FRMD6: variants seen among roughly 807,000 people sequenced by gnomAD.
FRMD6 encodes the protein FERM domain containing 6.
FRMD6 carries 37 observed loss-of-function variants against 73.2 expected under a neutral mutation model. The ratio of observed to expected loss-of-function variants is 0.51; its 90% CI spans 0.39 to 0.66. The LOEUF is 0.66. FRMD6 is among the 30% of genes least tolerant of loss of function. FRMD6 has a pLI of 0.00. For missense variants in FRMD6, 714 were observed against 780.5 expected, an observed-to-expected ratio of 0.91 and a Z score of 1.02; for synonymous variants, 273 against 282.2, an observed-to-expected ratio of 0.97 and a Z score of 0.33.
At chr14:51,710,881 AT>A (rs1896905718) in intron 7 of FRMD6, among the ~76,000 whole-genome samples, 1 of 151,926 alleles carries the variant, frequency 6.6e-6, no homozygotes, top group African/African-American at 2.4e-5. Flanking sequence ...ATTGTAGTTT[AT>A]TTTCTACAGT....
chr14:51,414,945 C>G, the FRMD6 span, among the ~76,000 whole-genome samples: 12 of 152,204 alleles, frequency 7.9e-5, no homozygotes, highest in Non-Finnish European at 1.0e-4. Flanking sequence ...TGATTTGGCT[C>G]TCTGTTTGTC....
intron 2 of FRMD6, among the ~76,000 whole-genome samples, chr14:51,632,296 G>A (rs1041300893): frequency 4.6e-5 from 7 of 152,144 alleles, no homozygotes; most frequent in African/African-American, 1.4e-4. Flanking sequence ...TTATAGCAGC[G>A]TGAGAATGAA....
At chr14:51,705,607 AAAG>A (rs1034332961) in intron 6 of FRMD6, among the ~76,000 whole-genome samples, 6 of 152,096 alleles carry the variant, frequency 3.9e-5, no homozygotes, top group African/African-American at 1.4e-4. Context: ...GTGGGGAGGG[AAAG>A]AAGAGCTACT....
At chr14:51,683,477 T>TG (rs1199273755) in intron 1 of FRMD6, among the ~76,000 whole-genome samples, 1 of 151,370 alleles carries the variant, frequency 6.6e-6, no homozygotes, top group African/African-American at 2.4e-5. Flanking sequence ...TTAGTAGAAA[T>TG]GGGGTCTCGC....
intron 2 of FRMD6, among the ~76,000 whole-genome samples, chr14:51,585,961 A>ATATATATATATATATATATATATATATAT (rs1555324347): frequency 3.6e-5 from 2 of 56,288 alleles, no homozygotes; most frequent in Non-Finnish European, 4.6e-5. Context: ...ATATATATAT[A>ATATATATATATATATATATATATATATAT]ACATTTTCTT....
intron 1 of FRMD6, among the ~76,000 whole-genome samples, chr14:51,687,180 C>A (rs1307836195): frequency 6.6e-6 from 1 of 152,100 alleles, no homozygotes; most frequent in Non-Finnish European, 1.5e-5. Context: ...CATCCCACAG[C>A]TCAGAAGATA....
intron 1 of FRMD6, among the ~76,000 whole-genome samples, chr14:51,489,793 T>C (rs1449210412): frequency 6.6e-6 from 1 of 152,212 alleles, no homozygotes; most frequent in East Asian, 1.9e-4. Context: ...AAGAACACTC[T>C]CAAAAACACA....
chr14:51,647,693 G>A (rs558564363), upstream of FRMD6, among the ~76,000 whole-genome samples: 19 of 152,104 alleles, frequency 1.2e-4, no homozygotes, highest in South Asian at 6.2e-4. Flanking sequence ...AATGATGAAC[G>A]GTATTTAATT....
intron 1 of FRMD6, among the ~76,000 whole-genome samples, chr14:51,524,741 C>A (rs1347093643): frequency 6.6e-6 from 1 of 152,196 alleles, no homozygotes; most frequent in Admixed American, 6.5e-5. Context: ...GTTACAGAAA[C>A]AACTGGGTTG....
chr14:51,447,235 A>G, the FRMD6 span, among the ~76,000 whole-genome samples: 1 of 152,002 alleles, frequency 6.6e-6, no homozygotes, highest in Non-Finnish European at 1.5e-5. Flanking sequence ...ATGTGGAGGG[A>G]CTTGTAAAAT....
At chr14:51,399,017 C>T in the FRMD6 span, among the ~76,000 whole-genome samples, 2 of 152,164 alleles carry the variant, frequency 1.3e-5, no homozygotes, top group Non-Finnish European at 1.5e-5. Flanking sequence ...ACTTACTGTC[C>T]CCACCCCACA....
intron 1 of FRMD6, among the ~76,000 whole-genome samples, chr14:51,533,785 C>A (rs560177274): frequency 2.8e-4 from 43 of 152,260 alleles, no homozygotes; most frequent in Non-Finnish European, 4.7e-4. Context: ...CCTAGGATGC[C>A]ACCCCTGTTC....
chr14:51,472,944 G>T, the FRMD6 span, among the ~76,000 whole-genome samples: 2 of 152,190 alleles, frequency 1.3e-5, no homozygotes, highest in Non-Finnish European at 2.9e-5. Context: ...GTCCCTACAT[G>T]TGATAAGACC....
chr14:51,414,557 C>G, the FRMD6 span, among the ~76,000 whole-genome samples: 1 of 152,172 alleles, frequency 6.6e-6, no homozygotes, highest in African/African-American at 2.4e-5. Flanking sequence ...GTTACTGTAG[C>G]CTTGTAGTAT....
chr14:51,717,713 A>G (rs748877292), intron 10 of FRMD6, among the ~76,000 whole-genome samples: 7 of 152,168 alleles, frequency 4.6e-5, no homozygotes, highest in Non-Finnish European at 8.8e-5. Flanking sequence ...TCATTTTAAC[A>G]TGAAAAGCCC....
intron 2 of FRMD6, among the ~76,000 whole-genome samples, chr14:51,614,690 T>A (rs919702746): frequency 6.6e-6 from 1 of 152,226 alleles, no homozygotes; most frequent in African/African-American, 2.4e-5. Flanking sequence ...AAGAATACTT[T>A]TTTCTGGATC....
chr14:51,407,707 T>C, the FRMD6 span, among the ~76,000 whole-genome samples: 1 of 152,096 alleles, frequency 6.6e-6, no homozygotes, highest in Non-Finnish European at 1.5e-5. Flanking sequence ...ATTTTCATTT[T>C]GATTTGTTCT....
intron 2 of FRMD6, among the ~76,000 whole-genome samples, chr14:51,583,860 G>C (rs1204127608): frequency 6.6e-6 from 1 of 152,168 alleles, no homozygotes; most frequent in African/African-American, 2.4e-5. Flanking sequence ...GGATGGAATT[G>C]GAGGTTTTAG....
chr14:51,441,281 A>G, the FRMD6 span, among the ~76,000 whole-genome samples: 205 of 152,322 alleles, frequency 1.3e-3, 1 homozygote, highest in African/African-American at 4.6e-3. Flanking sequence ...GGCCCTGCCC[A>G]CAGTTCCAGG....
Sources: gnomAD v4.1 joint callset for allele counts (sites outside exome capture counted in the v4.1 genomes callset) on GRCh38, gnomAD v4.1.1 for gene constraint, MANE v1.5 for transcripts, NCBI Gene and HGNC (gene_info 2026-07-23, HGNC 2026-07-21) for gene names.